RELN: variants seen among roughly 807,000 people sequenced by gnomAD.
RELN encodes the protein reelin.
In RELN, 108 loss-of-function variants were observed where a neutral mutation model predicts 427.6. The ratio of observed to expected loss-of-function variants is 0.25; its 90% CI spans 0.22 to 0.30. The LOEUF (loss-of-function observed/expected upper bound fraction) is 0.30. Among genes scored for constraint, RELN ranks in the 10% least tolerant of loss-of-function variants. RELN has a pLI of 1.00. For synonymous variants in RELN, 1,524 were observed against 1,513.4 expected (o/e 1.01, Z -0.16); for missense variants, 3,715 against 4,302.8 (o/e 0.86, Z 3.82).
chr7:103,693,993 A>G (rs1005918636), intron 10 of RELN, among the ~76,000 whole-genome samples: 3 of 152,174 alleles, frequency 2.0e-5, no homozygotes, highest in African/African-American at 7.2e-5. Flanking sequence ...TAGAATTTTG[A>G]AAACAAAATC....
chr7:103,664,542 G>A (rs942666856), intron 11 of RELN, among the ~76,000 whole-genome samples: 5 of 152,164 alleles, frequency 3.3e-5, no homozygotes, highest in African/African-American at 1.2e-4. Flanking sequence ...GAGTTGCTGG[G>A]CAACGTGGTA....
At chr7:103,839,118 A>T (rs1793486607) in intron 2 of RELN, among the ~76,000 whole-genome samples, 1 of 152,168 alleles carries the variant, frequency 6.6e-6, no homozygotes, top group Non-Finnish European at 1.5e-5. Flanking sequence ...TTAGAGTAAC[A>T]CTATTCATAT....
chr7:103,792,020 AC>A (rs1352291003), intron 3 of RELN, among the ~76,000 whole-genome samples: 4 of 152,228 alleles, frequency 2.6e-5, no homozygotes, highest in Admixed American at 6.5e-5. Flanking sequence ...GAAATGAAAT[AC>A]CATTCTACTC....
intron 4 of RELN, 53 bp downstream of exon 4, chr7:103,776,504 A>G: frequency 6.4e-7 from 1 of 1,560,474 alleles, no homozygotes; most frequent in African/African-American, 1.4e-5. Context: ...AGAACACAGG[A>G]CCTACCATGA....
chr7:103,763,624 G>C (rs746753992), intron 4 of RELN, among the ~76,000 whole-genome samples: 1 of 152,154 alleles, frequency 6.6e-6, no homozygotes, highest in Non-Finnish European at 1.5e-5. Context: ...AAGTACACCA[G>C]GGAAAGGAGT....
intron 3 of RELN, among the ~76,000 whole-genome samples, chr7:103,777,057 A>G (rs528484989): frequency 6.6e-6 from 1 of 152,296 alleles, no homozygotes; most frequent in Non-Finnish European, 1.5e-5. Context: ...TAGAGTTGAG[A>G]CAGAGAATTA....
At chr7:103,549,014 G>A (rs973098637) in intron 41 of RELN, among the ~76,000 whole-genome samples, 2 of 151,752 alleles carry the variant, frequency 1.3e-5, no homozygotes, top group Non-Finnish European at 1.5e-5. Flanking sequence ...AGGGTCGTTC[G>A]TTTTCTATTT....
intron 2 of RELN, among the ~76,000 whole-genome samples, chr7:103,838,686 C>G (rs1401302932): frequency 6.6e-6 from 1 of 152,114 alleles, no homozygotes; most frequent in African/African-American, 2.4e-5. Context: ...AAAGTCCTAG[C>G]CACAGTCCTG....
intron 22 of RELN, among the ~76,000 whole-genome samples, chr7:103,609,799 G>A (rs1002483769): frequency 2.6e-5 from 4 of 152,126 alleles, no homozygotes; most frequent in East Asian, 1.9e-4. Context: ...ACAAAAGAGC[G>A]ATTGTTAGGC....
chr7:103,925,329 C>T (rs1435356545), intron 1 of RELN, among the ~76,000 whole-genome samples: 1 of 152,038 alleles, frequency 6.6e-6, no homozygotes, highest in Non-Finnish European at 1.5e-5. Context: ...CCACTTTTGG[C>T]CTTTATAATT....
chr7:103,915,130 C>T (rs565952085), intron 2 of RELN, among the ~76,000 whole-genome samples: 31 of 152,184 alleles, frequency 2.0e-4, no homozygotes, highest in African/African-American at 7.2e-4. Flanking sequence ...AGAACATAGC[C>T]AGCCTCTTCC....
chr7:103,606,941 T>C (rs1404700487), intron 22 of RELN, among the ~76,000 whole-genome samples: 1 of 152,124 alleles, frequency 6.6e-6, no homozygotes, highest in Non-Finnish European at 1.5e-5. Flanking sequence ...TTTGGTTTTT[T>C]GTCCTTGCGA....
intron 2 of RELN, among the ~76,000 whole-genome samples, chr7:103,868,231 G>A (rs1308092734): frequency 6.6e-6 from 1 of 152,036 alleles, no homozygotes; most frequent in Admixed American, 6.6e-5. Flanking sequence ...TGGAAATTCA[G>A]CCTCAAACCG....
chr7:103,866,360 A>G (rs1181158370), intron 2 of RELN, among the ~76,000 whole-genome samples: 2 of 152,116 alleles, frequency 1.3e-5, no homozygotes, highest in African/African-American at 4.8e-5. Context: ...TCCCAAACCA[A>G]GCTAAGGTGC....
chr7:103,685,764 C>T (rs1275289281), intron 10 of RELN, among the ~76,000 whole-genome samples: 1 of 152,002 alleles, frequency 6.6e-6, no homozygotes, highest in Non-Finnish European at 1.5e-5. Context: ...AAAATATTTT[C>T]CTACTTTGCC....
rs138268507 is a variant in RELN at position 103,650,654 on chromosome 7, C to G, written c.1893-271G>C. On this transcript the variant is annotated intron_variant, in intron 15 of 64. Coordinates refer to ENST00000428762, the MANE Select transcript of RELN (RefSeq NM_005045.4). ...TTTAATTTATTGTTAGAGACAGGGT[C>G]TTGCTCTGTTGTCCAGGCTGGAGTG... Among the ~76,000 whole-genome samples the G allele has an allele frequency of 1.9e-3, 284 of 152,206 alleles. 1 individual carries two copies. The highest frequency in any genetic ancestry group is 6.1e-3 in the African/African-American group (255 of 41,542).
intron 3 of RELN, among the ~76,000 whole-genome samples, chr7:103,806,291 T>C (rs1176286479): frequency 6.6e-6 from 1 of 152,092 alleles, no homozygotes; most frequent in African/African-American, 2.4e-5. Flanking sequence ...TCCTTGCTAT[T>C]GAGGGGGAAT....
intron 4 of RELN, among the ~76,000 whole-genome samples, chr7:103,771,243 A>G (rs1791562161): frequency 6.6e-6 from 1 of 151,626 alleles, no homozygotes; most frequent in African/African-American, 2.4e-5. Context: ...TTCTGCTTGT[A>G]AAACCCTAAG....
chr7:103,977,039 G>A (rs956100508), intron 1 of RELN, among the ~76,000 whole-genome samples: 5 of 151,894 alleles, frequency 3.3e-5, no homozygotes, highest in African/African-American at 1.2e-4. Context: ...TGCCGGGCGT[G>A]GGAACTCACG....
Sources: allele counts gnomAD v4.1 joint callset (sites outside exome capture counted in the v4.1 genomes callset), GRCh38; gene constraint gnomAD v4.1.1; transcripts MANE v1.5; gene names NCBI Gene and HGNC (gene_info 2026-07-23, HGNC 2026-07-21).